Variants in PPP1R12B observed in about 807,000 individuals in gnomAD.
The protein encoded by PPP1R12B is protein phosphatase 1 regulatory subunit 12B.
Under a neutral mutation model 126.1 loss-of-function variants are expected in PPP1R12B, and 76 were observed. That is an observed-to-expected ratio of 0.60 (90% CI 0.50 to 0.73). The LOEUF (loss-of-function observed/expected upper bound fraction) is 0.73. Among genes scored for constraint, PPP1R12B ranks in the 30% least tolerant of loss-of-function variants. The pLI is 0.00. For missense variants in PPP1R12B, 1,052 were observed against 1,205.1 expected (o/e 0.87, Z 1.88); for synonymous variants, 356 against 434.7 (o/e 0.82, Z 2.25).
At chr1:202,351,271 A>G (rs1488562181) in intron 1 of PPP1R12B, among the ~76,000 whole-genome samples, 1 of 145,622 alleles carries the variant, frequency 6.9e-6, no homozygotes, top group Non-Finnish European at 1.5e-5. Flanking sequence ...GTCTCACTGT[A>G]TCTCCCAGGC....
chr1:202,388,312 T>C (rs1225544828), intron 1 of PPP1R12B, among the ~76,000 whole-genome samples: 2 of 152,160 alleles, frequency 1.3e-5, no homozygotes, highest in African/African-American at 4.8e-5. Context: ...GCCTCCTGAG[T>C]AGCTGGGACT....
chr1:202,580,695 T>C lies in PPP1R12B; in HGVS notation c.*135T>C. 1.4e-6 allele frequency: 1 copy of C among 716,980 alleles called. No homozygotes were observed. The highest frequency in any genetic ancestry group is 1.8e-5 in the African/African-American group (1 of 57,102). 44.4% of individuals were successfully genotyped at this position (716,980 alleles called of 1,614,324 possible). ...CACTTCTTTCTATCACCCTCTTCAG[T>C]CACCTCTATACACTCTACATTTTCT... On this transcript the variant is annotated 3_prime_UTR_variant, in exon 24 of 24. Coordinates refer to ENST00000608999, the MANE Select transcript of PPP1R12B (RefSeq NM_002481.4).
At chr1:202,425,104 C>T (rs76050884) in intron 3 of PPP1R12B, among the ~76,000 whole-genome samples, 330 of 152,272 alleles carry the variant, frequency 2.2e-3, no homozygotes, top group Non-Finnish European at 3.1e-3. Context: ...AGTTCTGTCA[C>T]TAATGTGTTT....
chr1:202,548,272 G>A (rs1180442012), intron 18 of PPP1R12B, among the ~76,000 whole-genome samples: 4 of 152,038 alleles, frequency 2.6e-5, no homozygotes, highest in African/African-American at 7.3e-5. Context: ...GAGAGATGAC[G>A]ACAACAAAAG....
intron 18 of PPP1R12B, among the ~76,000 whole-genome samples, chr1:202,534,816 C>A (rs1684365746): frequency 6.6e-6 from 1 of 152,022 alleles, no homozygotes; most frequent in African/African-American, 2.4e-5. Flanking sequence ...TTTCTTAAAG[C>A]ATTTGAAAAG....
chr1:202,478,237 T>G (rs1380411635), intron 13 of PPP1R12B, among the ~76,000 whole-genome samples: 2 of 152,264 alleles, frequency 1.3e-5, no homozygotes, highest in Non-Finnish European at 2.9e-5. Context: ...TACTAAACTC[T>G]GCTCTGTGAT....
intron 18 of PPP1R12B, among the ~76,000 whole-genome samples, chr1:202,517,439 T>G (rs551699730): frequency 3.3e-4 from 50 of 152,182 alleles, no homozygotes; most frequent in Non-Finnish European, 6.3e-4. Flanking sequence ...TTAAGTTCCT[T>G]CCAGAATTTA....
At chr1:202,480,915 C>G (rs1677271928) in intron 13 of PPP1R12B, among the ~76,000 whole-genome samples, 1 of 152,094 alleles carries the variant, frequency 6.6e-6, no homozygotes, top group Admixed American at 6.6e-5. Context: ...GCAGTGTTCC[C>G]CAACCTTTTT....
At position 202,424,084 on chromosome 1, in the gene PPP1R12B, A is replaced by T. The variant is rs550360917; in HGVS notation, c.541+1346A>T. On this transcript the variant is annotated intron_variant, in intron 3 of 23. Coordinates refer to ENST00000608999, the MANE Select transcript of PPP1R12B (RefSeq NM_002481.4). ...TGCTTTAAAATGTACAAACAACTTT[A>T]AAAAAATCAGTTTTAAAAAATAGTT... Among the ~76,000 whole-genome samples the T allele has an allele frequency of 4.6e-5, 7 of 152,316 alleles. No individual in the cohort carries two copies. The East Asian group carries it at 9.6e-4, about 21-fold the overall frequency.
chr1:202,353,211 T>C (rs1370631018), intron 1 of PPP1R12B, among the ~76,000 whole-genome samples: 1 of 152,206 alleles, frequency 6.6e-6, no homozygotes, highest in Admixed American at 6.5e-5. Context: ...TATGGTAAAA[T>C]AAAACTTGTG....
At chr1:202,479,805 G>A (rs1472905657) in intron 13 of PPP1R12B, among the ~76,000 whole-genome samples, 1 of 152,180 alleles carries the variant, frequency 6.6e-6, no homozygotes, top group East Asian at 1.9e-4. Context: ...CAGACCTGCT[G>A]AATCAGGACC....
rs923307799 is a variant in PPP1R12B, at chr1:202,587,442, C to A, written c.*6882C>A. ...GTTTGACTTTTAGGCCCGTATGACT[C>A]CTCCATAGCCTGGCCAAGGAGACCA... On this transcript the variant is annotated 3_prime_UTR_variant, in exon 24 of 24. Transcript: ENST00000608999. 1 of 152,220 alleles carries A rather than the reference C, an allele frequency of 6.6e-6. No homozygotes were observed. The highest frequency in any genetic ancestry group is 6.5e-5 in the Admixed American group (1 of 15,284). The allele number at this position is 152,220 out of a possible 1,614,324, so 9.4% of individuals were successfully genotyped here.
Position 202,437,876 on chromosome 1 carries a change from C to G in PPP1R12B, c.1310C>G (p.Ser437Ter). The change falls in exon 10 of 24, where the codon TCA becomes TGA. Residue 437 changes from serine (S) to a stop codon, truncating the protein, a stop_gained. Coordinates refer to ENST00000608999, the MANE Select transcript of PPP1R12B (RefSeq NM_002481.4). LOFTEE classifies it high-confidence loss of function. ...PEEPKDESPSSWRLGLRKTGS... is the reference protein window; with the variant it reads ...PEEPKDESPS ...GAGCCCAAAGATGAATCTCCTTCTT[C>G]ATGGAGATTGGGACTGAGAAAAACT... The G allele has an allele frequency of 6.2e-7, 1 of 1,613,616 alleles. No individual in the cohort carries two copies. The highest frequency in any genetic ancestry group is 1.1e-5 in the South Asian group (1 of 91,070).
At chr1:202,448,185 G>A (rs1235779258) in intron 12 of PPP1R12B, 1 of 152,024 alleles carries the variant, frequency 6.6e-6, no homozygotes, top group African/African-American at 2.4e-5. Context: ...TTGGACCTCT[G>A]TTACCCCAGC....
At chr1:202,418,732 T>TATAC (rs1404908308) in intron 2 of PPP1R12B, among the ~76,000 whole-genome samples, 5 of 152,166 alleles carry the variant, frequency 3.3e-5, no homozygotes. Flanking sequence ...TATTTTTCAC[T>TATAC]ATACATATCA....
intron 13 of PPP1R12B, among the ~76,000 whole-genome samples, chr1:202,485,583 G>A (rs1277416452): frequency 6.6e-6 from 1 of 152,052 alleles, no homozygotes; most frequent in Non-Finnish European, 1.5e-5. Context: ...TCCAGCTTAC[G>A]TTTTTCCCTT....
At chr1:202,385,842 CA>C (rs1417688526) in intron 1 of PPP1R12B, among the ~76,000 whole-genome samples, 1 of 151,872 alleles carries the variant, frequency 6.6e-6, no homozygotes, top group African/African-American at 2.4e-5. Flanking sequence ...GGATTTTATT[CA>C]AAAGGTTTAC....
chr1:202,540,109 G>A, intron 18 of PPP1R12B: 1 of 1,586,492 alleles, frequency 6.3e-7, no homozygotes, highest in Non-Finnish European at 8.6e-7. Flanking sequence ...AGAATCCAGT[G>A]GTTGAGTGTC....
intron 13 of PPP1R12B, among the ~76,000 whole-genome samples, chr1:202,476,554 A>T (rs1230485375): frequency 1.3e-5 from 2 of 151,678 alleles, no homozygotes; most frequent in African/African-American, 2.4e-5. Context: ...CTGGTGGCAC[A>T]TGCCTGTAGT....
Sources: gnomAD v4.1 joint callset for allele counts (sites outside exome capture counted in the v4.1 genomes callset) on GRCh38, gnomAD v4.1.1 for gene constraint, MANE v1.5 for transcripts, NCBI Gene and HGNC (gene_info 2026-07-23, HGNC 2026-07-21) for gene names.